BICC1: variants seen among roughly 807,000 people sequenced by gnomAD.
The protein encoded by BICC1 is BicC family RNA binding protein 1.
Under a neutral mutation model 111.0 loss-of-function variants are expected in BICC1, and 43 were observed. The ratio of observed to expected loss-of-function variants is 0.39; its 90% CI spans 0.30 to 0.50. The LOEUF is 0.50. BICC1 is among the 20% of genes least tolerant of loss of function. BICC1 has a pLI of 0.88. For synonymous variants in BICC1, 467 were observed against 434.4 expected (o/e 1.07, Z -0.93); for missense variants, 1,091 against 1,203.2 (o/e 0.91, Z 1.38).
At chr10:58,706,671 A>G (rs1391935755) in intron 3 of BICC1, among the ~76,000 whole-genome samples, 3 of 152,164 alleles carry the variant, frequency 2.0e-5, no homozygotes, top group Non-Finnish European at 1.5e-5. Context: ...ATGAGTTCTC[A>G]CAAGATCTGA....
intron 19 of BICC1, among the ~76,000 whole-genome samples, chr10:58,819,022 A>G (rs1176620438): frequency 6.6e-6 from 1 of 152,150 alleles, no homozygotes; most frequent in Non-Finnish European, 1.5e-5. Context: ...ACTTAATGTA[A>G]TATTTTATTA....
At chr10:58,754,760 A>ATGTATG (rs1842095028) in intron 3 of BICC1, among the ~76,000 whole-genome samples, 1 of 148,750 alleles carries the variant, frequency 6.7e-6, no homozygotes, top group African/African-American at 2.5e-5. Flanking sequence ...GGGGGTGTGT[A>ATGTATG]TGTGTGTGTG....
At chr10:58,637,570 C>T (rs1837988205) in intron 2 of BICC1, among the ~76,000 whole-genome samples, 1 of 152,210 alleles carries the variant, frequency 6.6e-6, no homozygotes, top group African/African-American at 2.4e-5. Context: ...TTGCTTTCAG[C>T]TTTTGGCTTT....
intron 1 of BICC1, among the ~76,000 whole-genome samples, chr10:58,602,684 A>G (rs1479845925): frequency 2.0e-5 from 3 of 152,198 alleles, no homozygotes; most frequent in Non-Finnish European, 4.4e-5. Context: ...ATTTATCAGC[A>G]GCAAATTGCT....
chr10:58,590,583 A>G (rs1425034559), intron 1 of BICC1, among the ~76,000 whole-genome samples: 4 of 152,174 alleles, frequency 2.6e-5, no homozygotes, highest in African/African-American at 4.8e-5. Context: ...GTAAAGATAG[A>G]TGCTTTGGGA....
Position 58,806,993 on chromosome 10 carries a change from T to C in BICC1, c.2222-11T>C. The C allele has an allele frequency of 6.2e-7, 1 of 1,606,902 alleles. No individual in the cohort carries two copies. The highest frequency in any genetic ancestry group is 8.5e-7 in the Non-Finnish European group (1 of 1,176,858). On this transcript the variant is annotated splice_polypyrimidine_tract_variant and intron_variant, in intron 16 of 20. Transcript: ENST00000373886. ...AACATACCAAGCATTGGTTTTATTT[T>C]GTTTCCAAAGCTATGTTAAAGAAAC...
At position 58,771,137 on chromosome 10, in the gene BICC1, A is replaced by C. The variant is rs917026263; in HGVS notation, c.308-13864A>C. The stretch of plus-strand genomic sequence containing the variant: ...GTTGCCTGACTTAGAGTGAGTTCAC[A>C]GAAGGACCCACTGAGAGAAGTAGGG... On this transcript the variant is annotated intron_variant, in intron 3 of 20. Transcript: ENST00000373886. Among the ~76,000 whole-genome samples the C allele has an allele frequency of 2.6e-5, 4 of 152,198 alleles. No homozygotes were observed. In the South Asian group the frequency reaches 6.2e-4, roughly 24 times the overall value.
intron 1 of BICC1, among the ~76,000 whole-genome samples, chr10:58,584,611 C>T (rs1049947538): frequency 1.2e-4 from 19 of 152,042 alleles, no homozygotes; most frequent in Non-Finnish European, 1.9e-4. Flanking sequence ...CAGAAAGGTT[C>T]GTGAGTACAA....
intron 17 of BICC1, among the ~76,000 whole-genome samples, chr10:58,808,262 TAC>T (rs1843776140): frequency 6.6e-6 from 1 of 152,132 alleles, no homozygotes. Context: ...CTCTAGGAGG[TAC>T]ACTCTTCTTT....
chr10:58,532,652 G>T (rs372363911), intron 1 of BICC1, among the ~76,000 whole-genome samples: 9 of 151,744 alleles, frequency 5.9e-5, no homozygotes, highest in Non-Finnish European at 5.9e-5. Context: ...ATGCCTAACT[G>T]AAGAGGGCCA....
intron 1 of BICC1, among the ~76,000 whole-genome samples, chr10:58,602,200 A>G (rs1019205852): frequency 6.6e-6 from 1 of 152,166 alleles, no homozygotes; most frequent in Non-Finnish European, 1.5e-5. Flanking sequence ...TTATAGGACC[A>G]CTATGCAACT....
chr10:58,702,977 A>G (rs1840283534), intron 3 of BICC1, among the ~76,000 whole-genome samples: 1 of 152,076 alleles, frequency 6.6e-6, no homozygotes, highest in East Asian at 1.9e-4. Context: ...CCCATGACTT[A>G]CTACTAAATG....
chr10:58,705,251 A>G (rs1295384425), intron 3 of BICC1, among the ~76,000 whole-genome samples: 2 of 152,226 alleles, frequency 1.3e-5, no homozygotes, highest in Non-Finnish European at 2.9e-5. Flanking sequence ...ACCATCTGAT[A>G]TGGAAATATC....
intron 3 of BICC1, among the ~76,000 whole-genome samples, chr10:58,742,577 A>G (rs566299210): frequency 6.6e-5 from 10 of 151,766 alleles, no homozygotes; most frequent in African/African-American, 2.4e-4. Context: ...AGCTGGGATT[A>G]CAGGTGCCCA....
At chr10:58,746,131 T>C (rs765187978) in intron 3 of BICC1, among the ~76,000 whole-genome samples, 2 of 152,156 alleles carry the variant, frequency 1.3e-5, no homozygotes, top group East Asian at 1.9e-4. Context: ...TTAGTGCCTC[T>C]GAAGTTTGCT....
chr10:58,537,420 G>C (rs550423240), intron 1 of BICC1, among the ~76,000 whole-genome samples: 1 of 151,400 alleles, frequency 6.6e-6, no homozygotes, highest in African/African-American at 2.4e-5. Flanking sequence ...AAAAGCATTT[G>C]ATAAAATCTG....
At chr10:58,681,705 C>A (rs759338869) in intron 2 of BICC1, among the ~76,000 whole-genome samples, 6 of 152,058 alleles carry the variant, frequency 3.9e-5, no homozygotes, top group Admixed American at 6.6e-5. Flanking sequence ...GCCGTGGACC[C>A]TCGCGGTGAG....
intron 3 of BICC1, among the ~76,000 whole-genome samples, chr10:58,769,338 TGATA>T (rs367928860): frequency 1.0e-4 from 15 of 146,844 alleles, no homozygotes; most frequent in East Asian, 2.0e-4. Context: ...GTATGTGAAG[TGATA>T]GATATGTTGA....
chr10:58,717,052 G>C (rs1489288178), intron 3 of BICC1, among the ~76,000 whole-genome samples: 2 of 152,188 alleles, frequency 1.3e-5, no homozygotes, highest in Admixed American at 6.5e-5. Context: ...TTTAGCATTA[G>C]AATGTGTTAG....
Sources: allele counts gnomAD v4.1 joint callset (sites outside exome capture counted in the v4.1 genomes callset), GRCh38; gene constraint gnomAD v4.1.1; transcripts MANE v1.5; gene names NCBI Gene and HGNC (gene_info 2026-07-23, HGNC 2026-07-21).